PRIM2: variants seen among roughly 807,000 people sequenced by gnomAD.
PRIM2 encodes DNA primase subunit 2, also known as DNA primase large subunit.
In PRIM2, 39 loss-of-function variants were observed where a neutral mutation model predicts 67.3. The ratio of observed to expected loss-of-function variants is 0.58; its 90% CI spans 0.45 to 0.76. The LOEUF (loss-of-function observed/expected upper bound fraction) is 0.76. Among genes scored for constraint, PRIM2 ranks in the 30% least tolerant of loss-of-function variants. The pLI is 0.00. For missense variants in PRIM2, 398 were observed against 598.7 expected (o/e 0.66, Z 3.50); for synonymous variants, 143 against 198.7 (o/e 0.72, Z 2.36).
the PRIM2 span, among the ~76,000 whole-genome samples, chr6:57,256,624 T>C: frequency 1.5e-5 from 2 of 129,530 alleles, no homozygotes; most frequent in South Asian, 4.8e-4. Flanking sequence ...TCTCTTTCTC[T>C]TTCTCTTACA....
At chr6:57,377,981 T>G (rs528450515) in intron 5 of PRIM2, among the ~76,000 whole-genome samples, 65 of 152,210 alleles carry the variant, frequency 4.3e-4, no homozygotes, top group African/African-American at 1.6e-3. Context: ...CTACAAACTG[T>G]GTGTTTGGAA....
chr6:57,597,097 G>A (rs1776380314), intron 10 of PRIM2, among the ~76,000 whole-genome samples: 2 of 151,740 alleles, frequency 1.3e-5, no homozygotes, highest in Admixed American at 6.6e-5. Context: ...CGATGAGTAC[G>A]CAACCAAGTC....
chr6:57,316,761 C>T (rs1002248787), upstream of PRIM2, among the ~76,000 whole-genome samples: 5 of 152,216 alleles, frequency 3.3e-5, no homozygotes, highest in African/African-American at 1.2e-4. Context: ...GTGGCTCTGA[C>T]GCCCCGCTTG....
intron 7 of PRIM2, among the ~76,000 whole-genome samples, chr6:57,405,087 CT>C (rs1770838916): frequency 6.7e-6 from 1 of 150,362 alleles, no homozygotes; most frequent in South Asian, 2.1e-4. Context: ...ATCCCTATGC[CT>C]ACTTGTGATG....
the PRIM2 span, among the ~76,000 whole-genome samples, chr6:57,225,533 A>G: frequency 1.3e-5 from 2 of 152,262 alleles, no homozygotes; most frequent in Non-Finnish European, 2.9e-5. Context: ...AGTGACTAGA[A>G]ATGAGTTTCA....
chr6:57,276,075 AAT>A, the PRIM2 span, among the ~76,000 whole-genome samples: 4 of 152,192 alleles, frequency 2.6e-5, no homozygotes, highest in Non-Finnish European at 5.9e-5. Context: ...AGCATGCTAG[AAT>A]ATTATATAAC....
At chr6:57,303,127 G>A in the PRIM2 span, among the ~76,000 whole-genome samples, 1 of 152,180 alleles carries the variant, frequency 6.6e-6, no homozygotes, top group South Asian at 2.1e-4. Context: ...TATATTTATA[G>A]CTAAGATATC....
intron 8 of PRIM2, among the ~76,000 whole-genome samples, chr6:57,521,090 TATTG>T (rs1247906772): frequency 3.9e-5 from 6 of 152,190 alleles, no homozygotes; most frequent in African/African-American, 1.4e-4. Flanking sequence ...AACAGAATTT[TATTG>T]ATTGTGTTCT....
chr6:57,579,156 G>GT (rs1364730669), intron 10 of PRIM2, among the ~76,000 whole-genome samples: 50,924 of 144,038 alleles, frequency 0.35, 9,203 homozygotes, highest in East Asian at 0.65. Context: ...TCTTGATACA[G>GT]TTTTTTTTTT....
intron 7 of PRIM2, among the ~76,000 whole-genome samples, chr6:57,417,857 A>G (rs1771320608): frequency 6.6e-6 from 1 of 151,484 alleles, no homozygotes; most frequent in Admixed American, 6.6e-5. Flanking sequence ...CAGTTTTAAC[A>G]CAATTTGAAG....
intron 5 of PRIM2, among the ~76,000 whole-genome samples, chr6:57,358,034 T>C (rs1423681249): frequency 6.6e-6 from 1 of 152,208 alleles, no homozygotes; most frequent in Admixed American, 6.5e-5. Context: ...ACTTAATGTA[T>C]GTTGGTTGAA....
chr6:57,334,769 A>G (rs1042526980), intron 5 of PRIM2, among the ~76,000 whole-genome samples: 5 of 152,208 alleles, frequency 3.3e-5, no homozygotes, highest in African/African-American at 9.6e-5. Context: ...CTGGGTAGTA[A>G]TATTACGGAG....
intron 8 of PRIM2, among the ~76,000 whole-genome samples, chr6:57,518,553 A>C (rs1774536913): frequency 6.6e-6 from 1 of 152,178 alleles, no homozygotes; most frequent in Non-Finnish European, 1.5e-5. Flanking sequence ...CACTTGAATG[A>C]ATGAATAAAT....
At chr6:57,412,268 G>A (rs1378733960) in intron 7 of PRIM2, among the ~76,000 whole-genome samples, 1 of 152,088 alleles carries the variant, frequency 6.6e-6, no homozygotes, top group South Asian at 2.1e-4. Context: ...GCATGCTTAT[G>A]ACTGTGTAAT....
intron 7 of PRIM2, among the ~76,000 whole-genome samples, chr6:57,437,107 G>A (rs1356484966): frequency 6.6e-6 from 1 of 152,208 alleles, no homozygotes; most frequent in Non-Finnish European, 1.5e-5. Flanking sequence ...CAAAACAGGA[G>A]TAGGTGTCTT....
At chr6:57,224,309 T>G in the PRIM2 span, among the ~76,000 whole-genome samples, 18 of 152,130 alleles carry the variant, frequency 1.2e-4, no homozygotes, top group Admixed American at 4.6e-4. Flanking sequence ...ATAGCATGGA[T>G]GAAGCTTGAA....
chr6:57,337,962 A>G (rs892003194), intron 5 of PRIM2, among the ~76,000 whole-genome samples: 1 of 150,154 alleles, frequency 6.7e-6, no homozygotes, highest in African/African-American at 2.5e-5. Context: ...GACCGCTAGC[A>G]AGACTAATAA....
chr6:57,404,409 G>A (rs9370600), intron 7 of PRIM2, among the ~76,000 whole-genome samples: 161 of 115,258 alleles, frequency 1.4e-3, no homozygotes, highest in Middle Eastern at 8.3e-3. Context: ...TTATGGAGTA[G>A]ATGCTCAGGA....
rs1363224195 is a variant in PRIM2 at position 57,627,738 on chromosome 6, G to C, written c.1231-4395G>C. On this transcript the variant is annotated intron_variant, in intron 12 of 13. Transcript: ENST00000615550. ...ATTACTGACGAACTAGATTAGAACA[G>C]TAAGTGGATTGTTACACTTGACATT... Among the ~76,000 whole-genome samples the C allele has an allele frequency of 1.2e-3, 180 of 152,258 alleles. 1 individual carries two copies. The highest frequency in any genetic ancestry group is 4.2e-3 in the African/African-American group (176 of 41,552).
Sources: allele counts gnomAD v4.1 joint callset (sites outside exome capture counted in the v4.1 genomes callset), GRCh38; gene constraint gnomAD v4.1.1; transcripts MANE v1.5; gene names NCBI Gene and HGNC (gene_info 2026-07-23, HGNC 2026-07-21).